Variants in DNAH8 observed in about 807,000 individuals in gnomAD.
The protein encoded by DNAH8 is axonemal beta dynein heavy chain 8.
DNAH8 carries 382 observed loss-of-function variants against 562.1 expected under a neutral mutation model. The ratio of observed to expected loss-of-function variants is 0.68; its 90% confidence interval spans 0.63 to 0.74. The LOEUF (loss-of-function observed/expected upper bound fraction) is 0.74, where lower values mean the gene tolerates loss of function less well. DNAH8 is among the 30% of genes least tolerant of loss of function. DNAH8 has a pLI of 0.00. For synonymous variants in DNAH8, 1,881 were observed against 1,919.4 expected, an observed-to-expected ratio of 0.98 and a Z score of 0.52; for missense variants, 5,203 against 5,620.4, an observed-to-expected ratio of 0.93 and a Z score of 2.37.
intron 29 of DNAH8, among the ~76,000 whole-genome samples, chr6:38,827,136 C>A (rs9380782): frequency 1.3e-5 from 2 of 151,932 alleles, no homozygotes; most frequent in East Asian, 3.9e-4. Flanking sequence ...ACTTCTACCC[C>A]CATTTCTGTC....
chr6:38,737,281 C>A (rs1339400635), intron 6 of DNAH8, 25 bp downstream of exon 6: 1 of 1,337,662 alleles, frequency 7.5e-7, no homozygotes, highest in Non-Finnish European at 9.8e-7. Context: ...TAATGTTTAG[C>A]AAATTGCAAA....
intron 33 of DNAH8, among the ~76,000 whole-genome samples, chr6:38,840,803 GACA>G (rs947145377): frequency 2.6e-5 from 4 of 152,000 alleles, no homozygotes; most frequent in African/African-American, 7.2e-5. Context: ...AAAATCAAAA[GACA>G]ACAAAAATGG....
At position 39,030,570 on chromosome 6, in the gene DNAH8, A is replaced by G; in HGVS notation, c.*178A>G. 1.8e-6 allele frequency: 1 copy of G among 562,406 alleles called. No individual in the cohort carries two copies. Among genetic ancestry groups the G allele is most frequent in the Non-Finnish European group, 3.1e-6 (1 of 321,080 alleles). The allele number at this position is 562,406 out of a possible 1,614,324, so 34.8% of individuals were successfully genotyped here. On this transcript the variant is annotated 3_prime_UTR_variant, in exon 93 of 93. Coordinates refer to ENST00000327475, the MANE Select transcript of DNAH8 (RefSeq NM_001206927.2). Reference sequence around the variant, plus strand: ...TGTTTTCCTCACATATCAATATTCAAAAAGATAACTCTAAATGAATGTTTT... The same window carrying G: ...TGTTTTCCTCACATATCAATATTCAGAAAGATAACTCTAAATGAATGTTTT...
intron 87 of DNAH8, among the ~76,000 whole-genome samples, chr6:38,984,864 A>G (rs1324761122): frequency 1.3e-5 from 2 of 152,122 alleles, no homozygotes; most frequent in Non-Finnish European, 2.9e-5. Context: ...GTCAGTTCTC[A>G]TTGCTCTATA....
At chr6:38,886,129 G>C (rs1354925487) in intron 56 of DNAH8, among the ~76,000 whole-genome samples, 1 of 152,152 alleles carries the variant, frequency 6.6e-6, no homozygotes, top group Non-Finnish European at 1.5e-5. Flanking sequence ...ATATAGGGTT[G>C]AGATAGCATT....
intron 12 of DNAH8, among the ~76,000 whole-genome samples, chr6:38,770,867 A>C (rs1039161670): frequency 6.6e-6 from 1 of 152,208 alleles, no homozygotes; most frequent in Non-Finnish European, 1.5e-5. Flanking sequence ...GCTGAGAAAA[A>C]GTATGAGATG....
At chr6:38,771,682 GT>G (rs1767591737) in intron 12 of DNAH8, among the ~76,000 whole-genome samples, 1 of 152,124 alleles carries the variant, frequency 6.6e-6, no homozygotes, top group South Asian at 2.1e-4. Context: ...TTAGCATAAT[GT>G]TTTCAAAGCT....
intron 82 of DNAH8, among the ~76,000 whole-genome samples, chr6:38,965,162 C>G (rs1762891186): frequency 1.3e-5 from 2 of 151,982 alleles, no homozygotes; most frequent in South Asian, 4.2e-4. Flanking sequence ...ATAGATAGGT[C>G]TACAAACCCT....
intron 82 of DNAH8, among the ~76,000 whole-genome samples, chr6:38,960,969 C>T (rs9394558): frequency 0.4 from 59,916 of 151,634 alleles, 13,650 homozygotes; most frequent in East Asian, 0.68. Flanking sequence ...TTAAAACATG[C>T]GGTACATATA....
rs559327378 is a variant in DNAH8, at chr6:38,760,562, G to T, written c.1516-1140G>T. Among the ~76,000 whole-genome samples the T allele has an allele frequency of 3.3e-5, 5 of 151,942 alleles. No homozygotes were observed. The East Asian group carries it at 9.7e-4, about 29-fold the overall frequency. On this transcript the variant is annotated intron_variant, in intron 10 of 92. Coordinates refer to ENST00000327475, the MANE Select transcript of DNAH8 (RefSeq NM_001206927.2). ...TGAGAAACAGTCCTCTTTTGCCTGG[G>T]ATTATTTCTAGCTCACTGATATGGT...
At chr6:38,921,067 T>C (rs1717993639) in intron 70 of DNAH8, among the ~76,000 whole-genome samples, 1 of 152,014 alleles carries the variant, frequency 6.6e-6, no homozygotes, top group Non-Finnish European at 1.5e-5. Flanking sequence ...ATTTTTCTAT[T>C]TTTCTGTAGA....
At chr6:38,934,510 A>C (rs506964) in intron 76 of DNAH8, among the ~76,000 whole-genome samples, 26,232 of 152,190 alleles carry the variant, frequency 0.17, 3,102 homozygotes, top group Non-Finnish European at 0.25. Flanking sequence ...GAAATTTCTG[A>C]AGCAATTTTC....
At chr6:38,767,106 A>G (rs1049220212) in intron 11 of DNAH8, among the ~76,000 whole-genome samples, 1 of 152,166 alleles carries the variant, frequency 6.6e-6, no homozygotes, top group Non-Finnish European at 1.5e-5. Context: ...GAACTTTTTC[A>G]TCATTCTAAA....
At chr6:38,757,156 A>G (rs546458947) in intron 10 of DNAH8, among the ~76,000 whole-genome samples, 9 of 151,214 alleles carry the variant, frequency 6.0e-5, no homozygotes, top group Non-Finnish European at 1.2e-4. Context: ...AAGTGTTCCT[A>G]TTTCTCCACA....
chr6:39,024,851 A>G lies in DNAH8; in HGVS notation c.13715-1695A>G, dbSNP rs1191065363. 2.6e-5 allele frequency among the ~76,000 whole-genome samples: 4 copies of G among 152,214 alleles called. No homozygotes were observed. The East Asian group carries it at 5.8e-4, about 22-fold the overall frequency. On this transcript the variant is annotated intron_variant, in intron 91 of 92. Coordinates refer to ENST00000327475, the MANE Select transcript of DNAH8 (RefSeq NM_001206927.2). Reference sequence around the variant, plus strand: ...ACTAGGCACTCGGTTTCATGAAACTATAGCTTTATAAGAATCTTCTATAAA... The same window carrying G: ...ACTAGGCACTCGGTTTCATGAAACTGTAGCTTTATAAGAATCTTCTATAAA...
Position 38,837,969 on chromosome 6 carries a change from T to C in DNAH8, c.4393T>C (p.Phe1465Leu). 1 of 1,613,268 alleles carries C rather than the reference T, an allele frequency of 6.2e-7. No individual in the cohort carries two copies. The highest frequency in any genetic ancestry group is 1.1e-5 in the South Asian group (1 of 90,970). ...CAGTTTCGATGATCTGTGGAGGAAA[T>C]TTGTTACGTATTCATCTGGTGAACA... ...QASFDDLWRK[F>L]VTYSSGEQLF... Residue 1465 changes from phenylalanine to leucine, a missense_variant, in exon 33 of 93, where the codon TTT (phenylalanine) becomes CTT (leucine). Transcript: ENST00000327475.
At chr6:38,860,939 G>A (rs1421761860) in intron 43 of DNAH8, among the ~76,000 whole-genome samples, 1 of 152,190 alleles carries the variant, frequency 6.6e-6, no homozygotes, top group Non-Finnish European at 1.5e-5. Flanking sequence ...TGCAAAGAAG[G>A]AAGGTCCCTT....
At chr6:38,799,441 G>C (rs544001729) in intron 21 of DNAH8, among the ~76,000 whole-genome samples, 1 of 151,910 alleles carries the variant, frequency 6.6e-6, no homozygotes, top group Non-Finnish European at 1.5e-5. Flanking sequence ...TTTCCTTGCC[G>C]ACAGACACTT....
chr6:39,026,418 C>T, intron 91 of DNAH8, 128 bp from the exon 92 acceptor site: 1 of 943,614 alleles, frequency 1.1e-6, no homozygotes, highest in South Asian at 1.8e-5. Flanking sequence ...TGGGGTTTGG[C>T]CTCAACTCCT....
Sources: gnomAD v4.1 joint callset for allele counts (sites outside exome capture counted in the v4.1 genomes callset) on GRCh38, gnomAD v4.1.1 for gene constraint, MANE v1.5 for transcripts, NCBI Gene and HGNC (gene_info 2026-07-23, HGNC 2026-07-21) for gene names.